Variants in DLC1 observed in about 807,000 individuals in gnomAD.
DLC1 encodes rho GTPase-activating protein 7.
In DLC1, 54 loss-of-function variants were observed where a neutral mutation model predicts 140.3. That is an observed-to-expected ratio of 0.38 (90% CI 0.31 to 0.48). The LOEUF is 0.48. Ranked by LOEUF, DLC1 falls within the 20% of genes least tolerant of loss-of-function variation. DLC1 has a pLI of 0.96. For synonymous variants in DLC1, 986 were observed against 728.1 expected (o/e 1.35, Z -5.70); for missense variants, 2,536 against 1,907.0 (o/e 1.33, Z -6.14).
At chr8:13,497,371 A>G (rs570190336) in intron 2 of DLC1, among the ~76,000 whole-genome samples, 18 of 152,356 alleles carry the variant, frequency 1.2e-4, no homozygotes, top group African/African-American at 4.3e-4. Flanking sequence ...AAAAGTTTTC[A>G]TTTAATCTAT....
intron 5 of DLC1, among the ~76,000 whole-genome samples, chr8:13,131,675 C>G (rs1822097084): frequency 6.6e-6 from 1 of 152,190 alleles, no homozygotes; most frequent in Non-Finnish European, 1.5e-5. Flanking sequence ...AACAGGCAAC[C>G]TGCTAATCAC....
intron 5 of DLC1, among the ~76,000 whole-genome samples, chr8:13,135,214 T>C (rs951304273): frequency 5.3e-5 from 8 of 151,474 alleles, no homozygotes; most frequent in Admixed American, 1.3e-4. Context: ...CTTTTTTTTT[T>C]TTTTTTTTGA....
intron 4 of DLC1, among the ~76,000 whole-genome samples, chr8:13,383,307 G>A (rs1431590422): frequency 1.3e-5 from 2 of 152,176 alleles, no homozygotes; most frequent in African/African-American, 4.8e-5. Flanking sequence ...TTGAATGAGA[G>A]GGTCTACGGT....
intron 5 of DLC1, among the ~76,000 whole-genome samples, chr8:13,215,649 C>T (rs1315268896): frequency 6.6e-6 from 1 of 151,944 alleles, no homozygotes; most frequent in East Asian, 1.9e-4. Flanking sequence ...GTACATCCTA[C>T]TAGGGAAGCA....
At chr8:13,130,014 A>G (rs1821945067) in intron 5 of DLC1, among the ~76,000 whole-genome samples, 1 of 152,210 alleles carries the variant, frequency 6.6e-6, no homozygotes, top group Non-Finnish European at 1.5e-5. Flanking sequence ...CCTGTCCAGC[A>G]CAAGGCTCTC....
At chr8:13,359,877 T>G (rs1835140580) in intron 4 of DLC1, among the ~76,000 whole-genome samples, 1 of 152,180 alleles carries the variant, frequency 6.6e-6, no homozygotes, top group African/African-American at 2.4e-5. Flanking sequence ...ATTCAGGCCA[T>G]TATGGAATGA....
intron 2 of DLC1, among the ~76,000 whole-genome samples, chr8:13,405,872 CTT>C (rs767090026): frequency 8.2e-6 from 1 of 121,472 alleles, no homozygotes; most frequent in African/African-American, 3.0e-5. Flanking sequence ...CTTTTCTTTT[CTT>C]TTTTCTTTTC....
chr8:13,536,257 GAC>G (rs1712842449), intron 1 of DLC1: 1 of 152,198 alleles, frequency 6.6e-6, no homozygotes, highest in African/African-American at 2.4e-5. Context: ...TCCACGGAGA[GAC>G]AAATAACAGT....
chr8:13,442,609 C>T (rs1369382900), intron 2 of DLC1, among the ~76,000 whole-genome samples: 3 of 152,196 alleles, frequency 2.0e-5, no homozygotes, highest in Admixed American at 6.5e-5. Context: ...AAAAAATGCT[C>T]ATCATCACTG....
intron 1 of DLC1, among the ~76,000 whole-genome samples, chr8:13,530,552 G>C (rs1421766271): frequency 1.2e-4 from 19 of 152,118 alleles, no homozygotes; most frequent in Admixed American, 1.2e-3. Flanking sequence ...ATATCCTTGA[G>C]CCAGACCACA....
chr8:13,425,383 G>T (rs2117365974), intron 2 of DLC1, among the ~76,000 whole-genome samples: 1 of 152,298 alleles, frequency 6.6e-6, no homozygotes, highest in South Asian at 2.1e-4. Flanking sequence ...GAGTTCACAG[G>T]ACTGAGTATT....
At chr8:13,131,550 G>A (rs1480970781) in intron 5 of DLC1, among the ~76,000 whole-genome samples, 1 of 151,628 alleles carries the variant, frequency 6.6e-6, no homozygotes, top group African/African-American at 2.4e-5. Flanking sequence ...CAAGACTGGG[G>A]ATGGGAAAAG....
chr8:13,160,411 G>C (rs535396091), intron 5 of DLC1: 2 of 152,346 alleles, frequency 1.3e-5, no homozygotes, highest in African/African-American at 2.4e-5. Context: ...AAATATTCCA[G>C]TACCTGTTCC....
intron 4 of DLC1, among the ~76,000 whole-genome samples, chr8:13,361,254 CGAGA>C (rs973754257): frequency 1.3e-5 from 2 of 151,802 alleles, no homozygotes; most frequent in African/African-American, 4.8e-5. Flanking sequence ...CAAAACAAAA[CGAGA>C]GAGAGAAAGA....
chr8:13,475,581 C>G (rs763171773), intron 2 of DLC1, among the ~76,000 whole-genome samples: 1 of 152,174 alleles, frequency 6.6e-6, no homozygotes, highest in Non-Finnish European at 1.5e-5. Context: ...AGATTATAAA[C>G]AGTAGTAGTT....
chr8:13,184,201 T>C lies in DLC1; in HGVS notation c.1349-68544A>G, dbSNP rs542088256. Among the ~76,000 whole-genome samples, 17 of 152,330 alleles carry C rather than the reference T, an allele frequency of 1.1e-4. No homozygotes were observed. In the South Asian group the frequency reaches 3.3e-3, roughly 30 times the overall value. On this transcript the variant is annotated intron_variant, in intron 5 of 17. Transcript: ENST00000276297. Reference sequence around the variant, plus strand: ...TTTTATTGCATCTATTTGATTCTTCTCTCTTTTCTTCTTTATTAGTCTTGC... The same window carrying C: ...TTTTATTGCATCTATTTGATTCTTCCCTCTTTTCTTCTTTATTAGTCTTGC...
chr8:13,141,665 A>C (rs1439405503), intron 5 of DLC1, among the ~76,000 whole-genome samples: 1 of 152,174 alleles, frequency 6.6e-6, no homozygotes, highest in Non-Finnish European at 1.5e-5. Flanking sequence ...GCTGCTAACT[A>C]CAGCATGATG....
At chr8:13,215,053 T>C (rs1357827984) in intron 5 of DLC1, among the ~76,000 whole-genome samples, 3 of 152,234 alleles carry the variant, frequency 2.0e-5, no homozygotes, top group Admixed American at 1.3e-4. Flanking sequence ...GAGGCTACCA[T>C]GTGCTGGGCA....
chr8:13,539,750 ATGTGTGTGTG>A lies in DLC1; in HGVS notation c.-125-39564_-125-39555del, dbSNP rs71207162. Among the ~76,000 whole-genome samples, 55 of 147,176 alleles carry A rather than the reference ATGTGTGTGTG, an allele frequency of 3.7e-4. 1 individual carries two copies. The highest frequency in any genetic ancestry group is 2.4e-3 in the Admixed American group (36 of 14,912). ...ATGAGGCATTAAGAAATGTGTGTGTATGTGTGTGTGTGTGTGTGTGTGTGTGTACATTTTA... is the reference window on the plus strand; with the variant it reads ...ATGAGGCATTAAGAAATGTGTGTGTATGTGTGTGTGTGTGTGTACATTTTA... On this transcript the variant is annotated intron_variant, in intron 1 of 1. Transcript: ENST00000631382.
Sources: gnomAD v4.1 joint callset for allele counts (sites outside exome capture counted in the v4.1 genomes callset) on GRCh38, gnomAD v4.1.1 for gene constraint, MANE v1.5 for transcripts, NCBI Gene and HGNC (gene_info 2026-07-23, HGNC 2026-07-21) for gene names.